RNF144A: variants seen among roughly 807,000 people sequenced by gnomAD.
The protein encoded by RNF144A is ring finger protein 144A, also known as E3 ubiquitin-protein ligase RNF144A.
RNF144A carries 11 observed loss-of-function variants against 38.7 expected under a neutral mutation model. The observed-to-expected ratio is 0.28, with a 90% CI of 0.18 to 0.47. The LOEUF is 0.47. RNF144A is among the 20% of genes least tolerant of loss of function. The pLI is 0.99. For missense variants in RNF144A, 316 were observed against 377.2 expected (o/e 0.84, Z 1.34); for synonymous variants, 149 against 143.9 (o/e 1.04, Z -0.25).
downstream of RNF144A, among the ~76,000 whole-genome samples, chr2:7,070,862 T>A (rs1572509057): frequency 6.6e-6 from 1 of 151,978 alleles, no homozygotes; most frequent in East Asian, 1.9e-4. Flanking sequence ...AGGAACACCC[T>A]GACCCTGGAC....
At chr2:6,935,990 T>C (rs1192382576) in intron 1 of RNF144A, among the ~76,000 whole-genome samples, 1 of 152,216 alleles carries the variant, frequency 6.6e-6, no homozygotes, top group Non-Finnish European at 1.5e-5. Context: ...CTTTGGGAGG[T>C]ACCTTCAATA....
intron 1 of RNF144A, among the ~76,000 whole-genome samples, chr2:6,918,101 G>A (rs929098596): frequency 6.6e-6 from 1 of 152,136 alleles, no homozygotes; most frequent in South Asian, 2.1e-4. Flanking sequence ...GGAGGTCTGG[G>A]AAAGGACGAC....
chr2:6,954,252 G>A (rs527708227), intron 2 of RNF144A, among the ~76,000 whole-genome samples: 3 of 151,082 alleles, frequency 2.0e-5, no homozygotes, highest in East Asian at 1.9e-4. Flanking sequence ...ATGCATATTT[G>A]TTTCTTTATA....
At chr2:6,982,328 G>A (rs1668684129) in intron 2 of RNF144A, among the ~76,000 whole-genome samples, 1 of 152,150 alleles carries the variant, frequency 6.6e-6, no homozygotes, top group Non-Finnish European at 1.5e-5. Context: ...TAGGTACATG[G>A]GGACTTCTTT....
chr2:6,991,366 T>G (rs1015695996), intron 2 of RNF144A, among the ~76,000 whole-genome samples: 3 of 152,240 alleles, frequency 2.0e-5, no homozygotes, highest in East Asian at 1.9e-4. Flanking sequence ...TCTCTGCTGC[T>G]GCTGACAGCT....
intron 2 of RNF144A, among the ~76,000 whole-genome samples, chr2:6,981,364 C>T (rs1288768567): frequency 6.6e-6 from 1 of 151,868 alleles, no homozygotes; most frequent in Non-Finnish European, 1.5e-5. Flanking sequence ...GTTTCAATTT[C>T]ATATCGTCTC....
chr2:6,930,338 T>C (rs956281487), intron 1 of RNF144A, among the ~76,000 whole-genome samples: 2 of 152,184 alleles, frequency 1.3e-5, no homozygotes, highest in Non-Finnish European at 2.9e-5. Context: ...TCAGAACTCA[T>C]AAGGATTGTG....
intron 6 of RNF144A, among the ~76,000 whole-genome samples, chr2:7,023,294 T>C (rs781570182): frequency 1.9e-4 from 29 of 152,226 alleles, no homozygotes; most frequent in Non-Finnish European, 4.0e-4. Context: ...AGACAGCTCC[T>C]ACTAAAGTGA....
rs373119509 is a variant in RNF144A, at chr2:7,033,826, T to G, written c.747+3611T>G. ...ATCTTTGTAACCTCTTTGGCACTGGTCCTGTGCCTGGGGCACAGTTATCTT... is the reference window on the plus strand; with the variant it reads ...ATCTTTGTAACCTCTTTGGCACTGGGCCTGTGCCTGGGGCACAGTTATCTT... On this transcript the variant is annotated intron_variant, in intron 8 of 8. Transcript: ENST00000320892. Among the ~76,000 whole-genome samples the G allele has an allele frequency of 7.1e-4, 108 of 152,336 alleles. 1 individual carries two copies. The highest frequency in any genetic ancestry group is 3.4e-3 in the Middle Eastern group (1 of 294).
At chr2:6,964,779 A>G (rs1012004343) in intron 2 of RNF144A, among the ~76,000 whole-genome samples, 5 of 149,260 alleles carry the variant, frequency 3.3e-5, no homozygotes, top group African/African-American at 4.9e-5. Flanking sequence ...ATGAGAACAC[A>G]TGGACACAGG....
At chr2:6,973,032 A>G (rs1668091018) in intron 2 of RNF144A, among the ~76,000 whole-genome samples, 1 of 152,182 alleles carries the variant, frequency 6.6e-6, no homozygotes, top group South Asian at 2.1e-4. Context: ...AAGTTGGGGA[A>G]CTTTAAAGCC....
chr2:6,980,658 C>T (rs777188934), intron 2 of RNF144A, among the ~76,000 whole-genome samples: 10 of 152,246 alleles, frequency 6.6e-5, no homozygotes, highest in Non-Finnish European at 1.2e-4. Flanking sequence ...TGAGCGCCTG[C>T]AGCTTTTTCA....
At chr2:7,030,252 A>ACTGTGT (rs1192180520) in intron 8 of RNF144A, 37 bp downstream of exon 8, 1 of 1,283,514 alleles carries the variant, frequency 7.8e-7, no homozygotes, top group Non-Finnish European at 1.1e-6. Context: ...GATCTCAGAG[A>ACTGTGT]GAGACTGTGT....
At chr2:6,918,590 C>T (rs1664301481) in intron 1 of RNF144A, 1 of 151,226 alleles carries the variant, frequency 6.6e-6, no homozygotes, top group Non-Finnish European at 1.5e-5. Context: ...CGGTGAAACC[C>T]CCTCTCTACT....
chr2:7,019,957 A>G (rs1386621553), intron 5 of RNF144A, among the ~76,000 whole-genome samples: 1 of 152,174 alleles, frequency 6.6e-6, no homozygotes, highest in Non-Finnish European at 1.5e-5. Context: ...TAGAAGAACA[A>G]TCCAGCCATC....
intron 3 of RNF144A, among the ~76,000 whole-genome samples, chr2:6,999,532 G>A (rs1434939379): frequency 6.6e-6 from 1 of 152,236 alleles, no homozygotes; most frequent in Admixed American, 6.5e-5. Context: ...TTACAGTTGA[G>A]TGCTGAAGTA....
intron 6 of RNF144A, 40 bp from the exon 7 acceptor site, chr2:7,024,329 G>T (rs1434949970): frequency 6.5e-7 from 1 of 1,544,498 alleles, no homozygotes; most frequent in South Asian, 1.2e-5. Context: ...TCTCCCGTGG[G>T]ATCCGTTTGT....
chr2:6,951,090 T>C (rs946583249), intron 2 of RNF144A, among the ~76,000 whole-genome samples: 2 of 152,224 alleles, frequency 1.3e-5, no homozygotes, highest in Non-Finnish European at 2.9e-5. Context: ...TCTGAGGTCA[T>C]AAGTCACTCT....
intron 2 of RNF144A, among the ~76,000 whole-genome samples, chr2:6,985,266 C>CG (rs1357208154): frequency 0.018 from 1,666 of 95,130 alleles, 38 homozygotes; most frequent in African/African-American, 0.053. Context: ...TCTCCCTCCC[C>CG]CCTCTTTTTT....
Sources: gnomAD v4.1 joint callset for allele counts (sites outside exome capture counted in the v4.1 genomes callset) on GRCh38, gnomAD v4.1.1 for gene constraint, MANE v1.5 for transcripts, NCBI Gene and HGNC (gene_info 2026-07-23, HGNC 2026-07-21) for gene names.